Variants in CA1 observed in about 807,000 individuals in gnomAD.
CA1 encodes the protein carbonic anhydrase 1, also known as carbonate dehydratase I.
CA1 carries 27 observed loss-of-function variants against 28.8 expected under a neutral mutation model. That is an observed-to-expected ratio of 0.94 (90% CI 0.69 to 1.29). The LOEUF is 1.29. Ranked by LOEUF, CA1 falls within the 50% of genes most tolerant of loss-of-function variation. The pLI is 0.00. For missense variants in CA1, 335 were observed against 310.5 expected, an observed-to-expected ratio of 1.08 and a Z score of -0.59; for synonymous variants, 121 against 108.8, an observed-to-expected ratio of 1.11 and a Z score of -0.70.
intron 1 of CA1, among the ~76,000 whole-genome samples, chr8:85,356,913 T>G (rs1809625520): frequency 6.6e-6 from 1 of 152,218 alleles, no homozygotes; most frequent in Non-Finnish European, 1.5e-5. Flanking sequence ...TAATTTATTA[T>G]TACAGAATCC....
chr8:85,358,383 CT>C (rs1340338650), intron 1 of CA1, among the ~76,000 whole-genome samples: 16 of 152,234 alleles, frequency 1.1e-4, no homozygotes, highest in African/African-American at 3.9e-4. Context: ...TTTTTCGGAG[CT>C]TTTATAACCG....
intron 7 of CA1, among the ~76,000 whole-genome samples, chr8:85,329,112 G>A (rs1008043456): frequency 6.6e-6 from 1 of 152,100 alleles, no homozygotes; most frequent in African/African-American, 2.4e-5. Context: ...CACATAGCAT[G>A]TGCTCAATAA....
chr8:85,372,172 A>G (rs1031578811), intron 1 of CA1, among the ~76,000 whole-genome samples: 8 of 152,172 alleles, frequency 5.3e-5, no homozygotes, highest in African/African-American at 1.9e-4. Context: ...GATGGACCAT[A>G]TGCCATGGTA....
intron 1 of CA1, among the ~76,000 whole-genome samples, chr8:85,344,231 A>ATATAATATAATTATATTATATACTG (rs1564029515): frequency 1.9e-5 from 2 of 103,950 alleles, no homozygotes; most frequent in Non-Finnish European, 3.5e-5. Context: ...TATATACAGT[A>ATATAATATAATTATATTATATACTG]TATAATATAT....
Position 85,372,491 on chromosome 8 carries a change from AACAGGGGATTCT to A in CA1, c.-25+5543_-25+5554del, listed in dbSNP as rs146421970. On this transcript the variant is annotated intron_variant, in intron 1 of 7. Coordinates refer to ENST00000523022, the MANE Select transcript of CA1 (RefSeq NM_001128831.4). ...TGAGTATATATCTGAAAGAAGTGAGAACAGGGGATTCTACAGATATTTGTACACCTGTATTCA... is the reference window on the plus strand; with the variant it reads ...TGAGTATATATCTGAAAGAAGTGAGAACAGATATTTGTACACCTGTATTCA... Among the ~76,000 whole-genome samples the A allele has an allele frequency of 8.3e-3, 1,270 of 152,296 alleles. 10 individuals carry two copies. The highest frequency in any genetic ancestry group is 0.045 in the East Asian group (232 of 5,182).
In CA1 at chr8:85,330,167, A is replaced by G. The variant is rs575830542; in HGVS notation, c.514-323T>C. ...TTAAAACATATTTAATTTCTAGTATAAAGCTTTTATTTTTTTCTCTAGGAA... is the reference window on the plus strand; with the variant it reads ...TTAAAACATATTTAATTTCTAGTATGAAGCTTTTATTTTTTTCTCTAGGAA... On this transcript the variant is annotated intron_variant, in intron 6 of 7. Coordinates refer to ENST00000523022, the MANE Select transcript of CA1 (RefSeq NM_001128831.4). Among the ~76,000 whole-genome samples the G allele has an allele frequency of 5.3e-5, 8 of 152,226 alleles. No homozygotes were observed. The East Asian group carries it at 1.4e-3, about 26-fold the overall frequency.
chr8:85,351,214 CTG>C (rs1455427759), intron 1 of CA1, among the ~76,000 whole-genome samples: 3 of 152,228 alleles, frequency 2.0e-5, no homozygotes, highest in Non-Finnish European at 4.4e-5. Flanking sequence ...GGAGCATTGA[CTG>C]TTTATGTAGT....
At chr8:85,355,654 G>T (rs1176251714) in intron 1 of CA1, among the ~76,000 whole-genome samples, 1 of 150,002 alleles carries the variant, frequency 6.7e-6, no homozygotes, top group Non-Finnish European at 1.5e-5. Context: ...TCTTGTCTTG[G>T]CCTCTCAAAG....
chr8:85,329,038 T>A (rs546371913), intron 7 of CA1, among the ~76,000 whole-genome samples: 30 of 152,310 alleles, frequency 2.0e-4, no homozygotes, highest in African/African-American at 7.0e-4. Context: ...AAGTACTTAC[T>A]TCACTGTGTT....
At chr8:85,350,467 T>C (rs1809365811) in intron 1 of CA1, among the ~76,000 whole-genome samples, 1 of 152,198 alleles carries the variant, frequency 6.6e-6, no homozygotes, top group Non-Finnish European at 1.5e-5. Flanking sequence ...TCTGGCCCTG[T>C]GATGGAGTTC....
chr8:85,332,276 A>T, intron 6 of CA1: 1 of 519,702 alleles, frequency 1.9e-6, no homozygotes. Flanking sequence ...TGCTGAAATA[A>T]ATAAACCATA....
At chr8:85,339,684 G>C (rs1365469160) in intron 2 of CA1, among the ~76,000 whole-genome samples, 1 of 152,218 alleles carries the variant, frequency 6.6e-6, no homozygotes, top group Non-Finnish European at 1.5e-5. Context: ...AGTTAGTCAA[G>C]CCGTGAATGC....
At chr8:85,348,013 A>G (rs1362035861) in intron 1 of CA1, among the ~76,000 whole-genome samples, 1 of 152,186 alleles carries the variant, frequency 6.6e-6, no homozygotes, top group Non-Finnish European at 1.5e-5. Flanking sequence ...CTATGTTTTT[A>G]ACAAACATTT....
chr8:85,339,228 C>A (rs1808814552), intron 2 of CA1, among the ~76,000 whole-genome samples: 1 of 152,164 alleles, frequency 6.6e-6, no homozygotes, highest in Non-Finnish European at 1.5e-5. Flanking sequence ...TTGCATCAAG[C>A]AAGCTTATTA....
intron 1 of CA1, among the ~76,000 whole-genome samples, chr8:85,360,940 A>C (rs1400540074): frequency 6.6e-6 from 1 of 152,232 alleles, no homozygotes; most frequent in Non-Finnish European, 1.5e-5. Context: ...TCTCTCTTGC[A>C]GAACCACCAG....
chr8:85,356,690 A>C (rs1354889398), intron 1 of CA1, among the ~76,000 whole-genome samples: 2 of 152,216 alleles, frequency 1.3e-5, no homozygotes, highest in African/African-American at 4.8e-5. Flanking sequence ...TCTTAAAACT[A>C]AATGTCTTTC....
Position 85,348,884 on chromosome 8 carries a change from A to T in CA1, c.-24-7225T>A, listed in dbSNP as rs151018118. 2.6e-3 allele frequency among the ~76,000 whole-genome samples: 399 copies of T among 152,340 alleles called. 3 individuals are homozygous for T. The highest frequency in any genetic ancestry group is 9.0e-3 in the African/African-American group (375 of 41,586). On this transcript the variant is annotated intron_variant, in intron 1 of 7. Coordinates refer to ENST00000523022, the MANE Select transcript of CA1 (RefSeq NM_001128831.4). ...TTACTGAGTGTGCTACTACTAATAG[A>T]AAACTTTGTGGGCTATGGTTGAAAC...
chr8:85,367,374 A>G (rs1413507389), intron 1 of CA1, among the ~76,000 whole-genome samples: 1 of 152,198 alleles, frequency 6.6e-6, no homozygotes, highest in Non-Finnish European at 1.5e-5. Context: ...TATACTCCTA[A>G]GAGGAAAAGA....
intron 1 of CA1, chr8:85,349,923 A>G (rs921980632): frequency 1.3e-5 from 2 of 152,200 alleles, no homozygotes; most frequent in Non-Finnish European, 1.5e-5. Context: ...ATTATTTATT[A>G]GGGTCTTCAC....
Sources: allele counts gnomAD v4.1 joint callset (sites outside exome capture counted in the v4.1 genomes callset), GRCh38; gene constraint gnomAD v4.1.1; transcripts MANE v1.5; gene names NCBI Gene and HGNC (gene_info 2026-07-23, HGNC 2026-07-21).